Variants in NRXN3 observed in about 807,000 individuals in gnomAD.
The protein encoded by NRXN3 is neurexin 3.
A neutral mutation model predicts 137.6 loss-of-function variants in NRXN3; 32 were observed. That is an observed-to-expected ratio of 0.23 (90% CI 0.18 to 0.31). The LOEUF (loss-of-function observed/expected upper bound fraction) is 0.31, where lower values mean the gene tolerates loss of function less well. Ranked by LOEUF, NRXN3 falls within the 10% of genes least tolerant of loss-of-function variation. The pLI, the probability that NRXN3 is intolerant of heterozygous loss-of-function variation, is 1.00. For missense variants in NRXN3, 1,574 were observed against 2,062.5 expected (o/e 0.76, Z 4.59); for synonymous variants, 798 against 784.5 (o/e 1.02, Z -0.29).
chr14:78,952,943 C>T (rs992148842), intron 10 of NRXN3, among the ~76,000 whole-genome samples: 1 of 152,168 alleles, frequency 6.6e-6, no homozygotes, highest in Admixed American at 6.5e-5. Flanking sequence ...GGAATTTCTA[C>T]CCCCTGCGTA....
At chr14:79,311,688 T>C (rs1410186305) in intron 15 of NRXN3, among the ~76,000 whole-genome samples, 3 of 111,174 alleles carry the variant, frequency 2.7e-5, no homozygotes, top group African/African-American at 1.0e-4. Flanking sequence ...GAGGAATGTA[T>C]CCATTTCTTC....
intron 15 of NRXN3, among the ~76,000 whole-genome samples, chr14:79,060,018 C>G (rs1366065258): frequency 7.2e-5 from 11 of 152,212 alleles, no homozygotes; most frequent in Non-Finnish European, 1.2e-4. Flanking sequence ...GGTGAACCCA[C>G]AGATTTCACT....
At chr14:78,178,521 A>T (rs1317145095) in intron 1 of NRXN3, among the ~76,000 whole-genome samples, 1 of 152,188 alleles carries the variant, frequency 6.6e-6, no homozygotes, top group Non-Finnish European at 1.5e-5. Flanking sequence ...GGTGGGCAGA[A>T]GGTAGAGAAC....
At chr14:79,472,017 AGT>A (rs930267628) in intron 16 of NRXN3, among the ~76,000 whole-genome samples, 1 of 151,816 alleles carries the variant, frequency 6.6e-6, no homozygotes. Flanking sequence ...CCAAAGGCCC[AGT>A]GTGTGTTGTT....
At chr14:79,518,196 C>T (rs1056538906) in intron 16 of NRXN3, among the ~76,000 whole-genome samples, 2 of 152,020 alleles carry the variant, frequency 1.3e-5, no homozygotes, top group Admixed American at 6.6e-5. Flanking sequence ...TGAGCCACGG[C>T]ACCCAGCCCA....
intron 15 of NRXN3, among the ~76,000 whole-genome samples, chr14:79,177,926 CTTTA>C (rs2062512083): frequency 6.6e-6 from 1 of 152,188 alleles, no homozygotes; most frequent in Non-Finnish European, 1.5e-5. Context: ...CTGAGATCTT[CTTTA>C]TTTTTTATTA....
chr14:79,466,823 A>G (rs775994216), intron 15 of NRXN3, among the ~76,000 whole-genome samples: 81 of 152,108 alleles, frequency 5.3e-4, no homozygotes, highest in Non-Finnish European at 9.3e-4. Flanking sequence ...GATAGATAAG[A>G]GATAGGGGAC....
At chr14:78,996,018 T>A (rs257204) in intron 15 of NRXN3, among the ~76,000 whole-genome samples, 1,855 of 152,238 alleles carry the variant, frequency 0.012, 36 homozygotes, top group African/African-American at 0.042. Context: ...AGTCACAGGT[T>A]CTTCTCCCAT....
intron 4 of NRXN3, among the ~76,000 whole-genome samples, chr14:78,381,036 G>C (rs76157947): frequency 6.6e-6 from 1 of 152,298 alleles, no homozygotes; most frequent in East Asian, 1.9e-4. Context: ...CAGTGCAAAA[G>C]TAATTCAATG....
intron 10 of NRXN3, among the ~76,000 whole-genome samples, chr14:78,939,276 G>A (rs573928318): frequency 6.6e-6 from 1 of 152,306 alleles, no homozygotes; most frequent in Admixed American, 6.5e-5. Flanking sequence ...CCTAGACCAA[G>A]CTAAGATGTG....
chr14:78,357,467 A>T (rs1369423540), intron 4 of NRXN3, among the ~76,000 whole-genome samples: 1 of 152,080 alleles, frequency 6.6e-6, no homozygotes, highest in Non-Finnish European at 1.5e-5. Context: ...ATATCAAGGG[A>T]TCTTAAAAAG....
chr14:79,115,955 T>C (rs1318568114), intron 15 of NRXN3, among the ~76,000 whole-genome samples: 7 of 152,180 alleles, frequency 4.6e-5, no homozygotes, highest in Non-Finnish European at 1.0e-4. Context: ...ATTTTATTAT[T>C]GTACCCATTA....
intron 15 of NRXN3, among the ~76,000 whole-genome samples, chr14:79,007,766 A>G (rs1166085172): frequency 7.0e-6 from 1 of 142,176 alleles, no homozygotes; most frequent in Non-Finnish European, 1.5e-5. Context: ...AGATCATGCC[A>G]CTGCTCTCCA....
In NRXN3 at chr14:78,741,492, A is replaced by AT. The variant is rs561137063; in HGVS notation, c.2044+26360dup. Among the ~76,000 whole-genome samples, 792 of 152,190 alleles carry AT rather than the reference A, an allele frequency of 5.2e-3. 10 individuals are homozygous for AT. Among genetic ancestry groups the AT allele is most frequent in the African/African-American group, 0.018 (753 of 41,516 alleles). ...CTCAGTTTTTAAATTTTTACTGTGT[A>AT]TTTTTTTGTTTTGAATCACTTTATT... is the stretch of plus-strand genomic sequence containing the variant. On this transcript the variant is annotated intron_variant, in intron 8 of 20. Coordinates refer to ENST00000335750, the MANE Select transcript of NRXN3 (RefSeq NM_001330195.2).
chr14:79,268,840 C>A (rs1426276713), intron 15 of NRXN3, among the ~76,000 whole-genome samples: 1 of 152,018 alleles, frequency 6.6e-6, no homozygotes, highest in Admixed American at 6.6e-5. Context: ...ACACATTAAT[C>A]AAGTATTGGT....
chr14:79,567,090 G>C (rs2097557654), intron 16 of NRXN3, among the ~76,000 whole-genome samples: 1 of 151,960 alleles, frequency 6.6e-6, no homozygotes, highest in South Asian at 2.1e-4. Context: ...GCTGATATCT[G>C]CTCTCTTTGC....
intron 15 of NRXN3, among the ~76,000 whole-genome samples, chr14:79,424,473 T>C (rs2095626384): frequency 6.6e-6 from 1 of 152,216 alleles, no homozygotes; most frequent in Non-Finnish European, 1.5e-5. Context: ...TGTTAGGTAC[T>C]TTGCTAACCA....
chr14:78,684,335 T>C (rs1293564725), intron 6 of NRXN3, among the ~76,000 whole-genome samples: 8 of 152,188 alleles, frequency 5.3e-5, no homozygotes, highest in Non-Finnish European at 1.0e-4. Flanking sequence ...AAAATGCTTA[T>C]AATCAAATTT....
In NRXN3 at chr14:79,663,636, T is replaced by C. The variant is rs1048458754; in HGVS notation, c.3445-142T>C. On this transcript the variant is annotated intron_variant, in intron 16 of 20. Transcript: ENST00000335750. ...CAGGATGAAAGCTCATGGAGAAATG[T>C]AGAATGCTATTATTATCTTATCTTC... 3 of 700,576 alleles carry C rather than the reference T, an allele frequency of 4.3e-6. No individual in the cohort carries two copies. In the African/African-American group the frequency reaches 5.4e-5, roughly 13 times the overall value. 43.4% of individuals were successfully genotyped at this position (700,576 alleles called of 1,614,324 possible). A position where few individuals can be genotyped will look rare whatever the true frequency, so the allele number is the denominator to read the frequency against.
Sources: gnomAD v4.1 joint callset for allele counts (sites outside exome capture counted in the v4.1 genomes callset) on GRCh38, gnomAD v4.1.1 for gene constraint, MANE v1.5 for transcripts, NCBI Gene and HGNC (gene_info 2026-07-23, HGNC 2026-07-21) for gene names.